TSPAN9: variants seen among roughly 807,000 people sequenced by gnomAD.
TSPAN9 encodes the protein tetraspanin-9.
TSPAN9 carries 16 observed loss-of-function variants against 31.0 expected under a neutral mutation model. The observed-to-expected ratio is 0.52, with a 90% confidence interval of 0.35 to 0.78. The LOEUF (loss-of-function observed/expected upper bound fraction) is 0.78. TSPAN9 is among the 30% of genes least tolerant of loss of function. The pLI is 0.01. For synonymous variants in TSPAN9, 145 were observed against 121.6 expected (o/e 1.19, Z -1.27); for missense variants, 272 against 312.5 (o/e 0.87, Z 0.98).
intron 2 of TSPAN9, among the ~76,000 whole-genome samples, chr12:3,157,134 C>T (rs2098342670): frequency 6.7e-6 from 1 of 149,918 alleles, no homozygotes; most frequent in Admixed American, 6.6e-5. Context: ...GAGTCTCGCT[C>T]TGTCACCCAG....
chr12:3,242,766 C>T (rs2159381), intron 3 of TSPAN9, among the ~76,000 whole-genome samples: 11,450 of 152,308 alleles, frequency 0.075, 525 homozygotes, highest in Middle Eastern at 0.14. Context: ...GGACGCATTG[C>T]CCCCTCTCAG....
rs1403975175 is a variant in TSPAN9 at position 3,147,017 on chromosome 12, A to T, written c.-17-54160A>T. ...CTCACCTTTCAGTAGTATTTTGGAC[A>T]TCAAATGGGTAGATGTAAGTGAAAG... On this transcript the variant is annotated intron_variant, in intron 2 of 8. Transcript: ENST00000011898. This position sits in a 1 kb window ranked among gnomAD's most constrained non-coding sequence, Gnocchi z 4.3. 6.6e-6 allele frequency among the ~76,000 whole-genome samples: 1 copy of T among 152,160 alleles called. No homozygotes were observed. The highest frequency in any genetic ancestry group is 1.5e-5 in the Non-Finnish European group (1 of 68,032).
At chr12:3,144,694 G>T (rs2098336365) in intron 2 of TSPAN9, among the ~76,000 whole-genome samples, 1 of 152,192 alleles carries the variant, frequency 6.6e-6, no homozygotes, top group Non-Finnish European at 1.5e-5. Context: ...TCTAGTGGGG[G>T]TTGCAGGTGC....
At chr12:3,153,041 G>A (rs2098340606) in intron 2 of TSPAN9, among the ~76,000 whole-genome samples, 1 of 152,230 alleles carries the variant, frequency 6.6e-6, no homozygotes, top group Admixed American at 6.5e-5. Context: ...CTTTTATGGT[G>A]CGTGCACGCC....
intron 2 of TSPAN9, among the ~76,000 whole-genome samples, chr12:3,163,386 A>T (rs998598766): frequency 6.6e-6 from 1 of 152,146 alleles, no homozygotes. Context: ...ATGGTAAGAT[A>T]TTTGTGTGTC....
intron 2 of TSPAN9, chr12:3,124,835 A>T: frequency 6.6e-6 from 1 of 152,186 alleles, no homozygotes; most frequent in Non-Finnish European, 1.5e-5. Context: ...AGGCAGGAGG[A>T]TCGCTTGAGC....
intron 2 of TSPAN9, among the ~76,000 whole-genome samples, chr12:3,184,435 G>A (rs552074051): frequency 1.2e-4 from 18 of 151,526 alleles, no homozygotes; most frequent in African/African-American, 4.1e-4. Context: ...GAGAGAGAGA[G>A]AAAGAAAGAG....
At chr12:3,141,693 G>A (rs1212305279) in intron 2 of TSPAN9, among the ~76,000 whole-genome samples, 1 of 152,204 alleles carries the variant, frequency 6.6e-6, no homozygotes, top group Non-Finnish European at 1.5e-5. Context: ...GGGCTGCGCG[G>A]CCTCTGTGTT....
chr12:3,233,342 A>G (rs2098391776), intron 3 of TSPAN9, among the ~76,000 whole-genome samples: 1 of 152,218 alleles, frequency 6.6e-6, no homozygotes, highest in South Asian at 2.1e-4. Context: ...CACCTAGCTG[A>G]ATGTGGATTG....
At chr12:3,115,526 T>C (rs2098321829) in intron 2 of TSPAN9, among the ~76,000 whole-genome samples, 1 of 152,202 alleles carries the variant, frequency 6.6e-6, no homozygotes, top group Admixed American at 6.5e-5. Context: ...TTATAAACAA[T>C]AGGCATTTAT....
intron 3 of TSPAN9, among the ~76,000 whole-genome samples, chr12:3,274,451 G>A (rs1217208431): frequency 6.6e-6 from 1 of 152,152 alleles, no homozygotes; most frequent in Non-Finnish European, 1.5e-5. Flanking sequence ...ATGCAGGCTG[G>A]GCTGGAAACT....
chr12:3,157,443 C>T (rs2098342862), intron 2 of TSPAN9, among the ~76,000 whole-genome samples: 5 of 152,172 alleles, frequency 3.3e-5, no homozygotes, highest in Non-Finnish European at 5.9e-5. Flanking sequence ...TGAAGCTAGA[C>T]ACATGTGGGT....
intron 2 of TSPAN9, among the ~76,000 whole-genome samples, chr12:3,095,350 A>G (rs896534018): frequency 2.7e-5 from 4 of 150,530 alleles, no homozygotes; most frequent in Non-Finnish European, 5.9e-5. Context: ...CAAAACCGCC[A>G]TTGTCATCCT....
At chr12:3,151,883 A>G (rs978285756) in intron 2 of TSPAN9, among the ~76,000 whole-genome samples, 10 of 152,202 alleles carry the variant, frequency 6.6e-5, no homozygotes, top group African/African-American at 2.4e-4. Flanking sequence ...AGATCGTGCT[A>G]TTACACTCCA....
chr12:3,227,652 C>A (rs1470871284), intron 3 of TSPAN9, among the ~76,000 whole-genome samples: 1 of 152,152 alleles, frequency 6.6e-6, no homozygotes, highest in Non-Finnish European at 1.5e-5. Flanking sequence ...GCCCCAGCCT[C>A]CCCTTCTCAC....
intron 2 of TSPAN9, among the ~76,000 whole-genome samples, chr12:3,191,183 A>G (rs988609254): frequency 6.6e-5 from 10 of 152,136 alleles, no homozygotes; most frequent in Non-Finnish European, 1.2e-4. Flanking sequence ...GTGTAGGCCA[A>G]GAAAGGTATA....
intron 2 of TSPAN9, among the ~76,000 whole-genome samples, chr12:3,141,404 G>A (rs370418070): frequency 6.6e-5 from 10 of 152,112 alleles, no homozygotes; most frequent in Admixed American, 2.0e-4. Flanking sequence ...CTATCCGGCC[G>A]GCCTCTGCAG....
chr12:3,095,182 TG>T (rs1185387532), intron 2 of TSPAN9, among the ~76,000 whole-genome samples: 1 of 111,752 alleles, frequency 8.9e-6, no homozygotes, highest in African/African-American at 3.5e-5. Flanking sequence ...AGCACAGGGT[TG>T]GGGGTAAGGT....
chr12:3,169,530 A>G (rs2098350591), intron 2 of TSPAN9, among the ~76,000 whole-genome samples: 1 of 152,258 alleles, frequency 6.6e-6, no homozygotes, highest in African/African-American at 2.4e-5. Context: ...CATAAGGACC[A>G]CATGAGTTAA....
Sources: allele counts gnomAD v4.1 joint callset (sites outside exome capture counted in the v4.1 genomes callset), GRCh38; gene constraint gnomAD v4.1.1; non-coding constraint Gnocchi (gnomAD v3.1); transcripts MANE v1.5; gene names NCBI Gene and HGNC (gene_info 2026-07-23, HGNC 2026-07-21).